BCL2L1: variants seen among roughly 807,000 people sequenced by gnomAD.
The protein encoded by BCL2L1 is BCL2 like 1, also known as bcl-2-like protein 1.
Under a neutral mutation model 18.7 loss-of-function variants are expected in BCL2L1, and 1 was observed. That is an observed-to-expected ratio of 0.05 (90% CI 0.02 to 0.25). The LOEUF (loss-of-function observed/expected upper bound fraction) is 0.25, where lower values mean the gene tolerates loss of function less well. BCL2L1 is among the 10% of genes least tolerant of loss of function. The pLI, the probability that BCL2L1 is intolerant of heterozygous loss-of-function variation, is 1.00. For missense variants in BCL2L1, 207 were observed against 304.9 expected (o/e 0.68, Z 2.39); for synonymous variants, 103 against 122.7 (o/e 0.84, Z 1.06).
chr20:31,680,430 G>A (rs1408507577), intron 2 of BCL2L1, among the ~76,000 whole-genome samples: 1 of 152,130 alleles, frequency 6.6e-6, no homozygotes, highest in Non-Finnish European at 1.5e-5. Context: ...AGAGTGTGCT[G>A]AGGCTACTCA....
intron 2 of BCL2L1, among the ~76,000 whole-genome samples, chr20:31,699,533 C>T (rs1290295836): frequency 6.6e-6 from 1 of 152,226 alleles, no homozygotes; most frequent in African/African-American, 2.4e-5. Flanking sequence ...GCTGGGAGTA[C>T]AGTAGGTGTC....
chr20:31,669,349 A>T (rs1277323959), intron 2 of BCL2L1, among the ~76,000 whole-genome samples: 2 of 151,274 alleles, frequency 1.3e-5, no homozygotes, highest in African/African-American at 4.9e-5. Context: ...GTGAGCCACC[A>T]TGCCCGGCCT....
At chr20:31,666,745 G>A (rs77028352) in intron 2 of BCL2L1, among the ~76,000 whole-genome samples, 12,018 of 152,086 alleles carry the variant, frequency 0.079, 494 homozygotes, top group Middle Eastern at 0.11. Flanking sequence ...CAATGATGCA[G>A]GACTGACAGG....
Position 31,721,818 on chromosome 20 carries a change from C to T in BCL2L1, c.401G>A (p.Gly134Glu), listed in dbSNP as rs1430465320. 3 of 1,614,068 alleles carry T rather than the reference C, an allele frequency of 1.9e-6. No homozygotes were observed. ...EQVVNELFRD[G>E]VNWGRIVAFF... ...GGCCACAATGCGACCCCAGTTTACC[C>T]CATCCCGGAAGAGTTCATTCACTAC... is the stretch of plus-strand genomic sequence containing the variant. The change falls in exon 2 of 3, where the codon GGG becomes GAG. Residue 134 changes from glycine to glutamate, a missense_variant. Physicochemically the swap from Gly to Glu is moderately conservative, Grantham distance 98. Transcript: ENST00000307677.
At chr20:31,673,555 T>C (rs1398169723) in intron 2 of BCL2L1, among the ~76,000 whole-genome samples, 1 of 151,774 alleles carries the variant, frequency 6.6e-6, no homozygotes, top group Non-Finnish European at 1.5e-5. Context: ...CTCAGGATGC[T>C]GAGGAGGATC....
chr20:31,675,865 A>C (rs2122495328), intron 2 of BCL2L1, among the ~76,000 whole-genome samples: 1 of 152,324 alleles, frequency 6.6e-6, no homozygotes, highest in South Asian at 2.1e-4. Flanking sequence ...TGGTATCCTC[A>C]CAACAAACTT....
intron 2 of BCL2L1, among the ~76,000 whole-genome samples, chr20:31,683,769 C>CAAAAAAAA (rs372160646): frequency 5.0e-5 from 4 of 80,714 alleles, no homozygotes; most frequent in Non-Finnish European, 5.8e-5. Flanking sequence ...AACTCCATCT[C>CAAAAAAAA]AAAAAAAAAA....
intron 2 of BCL2L1, among the ~76,000 whole-genome samples, chr20:31,683,178 T>C (rs1245662297): frequency 1.3e-5 from 2 of 152,168 alleles, no homozygotes; most frequent in African/African-American, 4.8e-5. Flanking sequence ...AAACTTTCCT[T>C]TCCAATCACT....
intron 2 of BCL2L1, among the ~76,000 whole-genome samples, chr20:31,680,257 A>G (rs1346027903): frequency 2.6e-5 from 4 of 152,206 alleles, no homozygotes; most frequent in African/African-American, 9.6e-5. Flanking sequence ...AACAGGATAC[A>G]TGAAGAGATT....
intron 2 of BCL2L1, among the ~76,000 whole-genome samples, chr20:31,679,041 C>T (rs868488041): frequency 8.5e-5 from 13 of 152,316 alleles, no homozygotes; most frequent in Middle Eastern, 6.8e-3. Flanking sequence ...CTGTCAGCCT[C>T]ATACTCTTCT....
chr20:31,687,676 CAAAAA>C (rs60094670), intron 2 of BCL2L1, among the ~76,000 whole-genome samples: 2 of 81,502 alleles, frequency 2.5e-5, no homozygotes. Context: ...GACTCTGTCT[CAAAAA>C]AAAAAAAAAA....
intron 2 of BCL2L1, among the ~76,000 whole-genome samples, chr20:31,704,530 T>A (rs762324295): frequency 2.0e-5 from 3 of 152,126 alleles, no homozygotes; most frequent in Non-Finnish European, 4.4e-5. Flanking sequence ...AAAGACACAG[T>A]TTCTGGATTA....
chr20:31,719,492 C>T (rs886292623), intron 2 of BCL2L1, among the ~76,000 whole-genome samples: 40 of 152,102 alleles, frequency 2.6e-4, no homozygotes, highest in Non-Finnish European at 4.1e-4. Flanking sequence ...GTCAAATGTT[C>T]TTTACTCCCT....
At chr20:31,707,435 T>C (rs1389576793) in intron 2 of BCL2L1, among the ~76,000 whole-genome samples, 1 of 152,222 alleles carries the variant, frequency 6.6e-6, no homozygotes, top group Non-Finnish European at 1.5e-5. Context: ...CCTTGGTAAG[T>C]GCTCCATGTA....
intron 2 of BCL2L1, among the ~76,000 whole-genome samples, chr20:31,695,351 C>A (rs1004525964): frequency 5.3e-5 from 8 of 152,258 alleles, no homozygotes; most frequent in African/African-American, 1.9e-4. Flanking sequence ...CCCTACAAGA[C>A]CTGGCCCCTG....
chr20:31,723,477 G>T (rs2061669104), upstream of BCL2L1: 1 of 985,070 alleles, frequency 1.0e-6, no homozygotes, highest in Admixed American at 6.2e-5. Context: ...GCACCTCTCC[G>T]GAGCCCAGGG....
intron 2 of BCL2L1, among the ~76,000 whole-genome samples, chr20:31,688,112 A>G (rs976181789): frequency 6.6e-6 from 1 of 152,150 alleles, no homozygotes; most frequent in African/African-American, 2.4e-5. Flanking sequence ...GAAAGTGTTT[A>G]TCTTATATCC....
intron 2 of BCL2L1, among the ~76,000 whole-genome samples, chr20:31,672,564 C>A (rs542798788): frequency 6.6e-6 from 1 of 152,114 alleles, no homozygotes; most frequent in African/African-American, 2.4e-5. Flanking sequence ...CCTCTGTGTG[C>A]CTGGTTTCCC....
rs1455587429 is a variant in BCL2L1, at chr20:31,665,290, C to T, written c.*659G>A. On this transcript the variant is annotated 3_prime_UTR_variant, in exon 3 of 3. Transcript: ENST00000307677. The stretch of plus-strand genomic sequence containing the variant: ...GGGTGCTTCCTGTAGCTATAGCCCC[C>T]TCCCTCCTGGGTGGGGCTGGCCTCT... The T allele has an allele frequency of 6.4e-6, 1 of 155,210 alleles. No individual in the cohort carries two copies. The highest frequency in any genetic ancestry group is 2.1e-4 in the South Asian group (1 of 4,846). 9.6% of individuals were successfully genotyped at this position (155,210 alleles called of 1,614,324 possible).
Sources: allele counts gnomAD v4.1 joint callset (sites outside exome capture counted in the v4.1 genomes callset), GRCh38; gene constraint gnomAD v4.1.1; transcripts MANE v1.5; gene names NCBI Gene and HGNC (gene_info 2026-07-23, HGNC 2026-07-21).